The following PPP1R7 variants were observed in gnomAD, a reference collection of about 807,000 sequenced individuals.
PPP1R7 encodes protein phosphatase 1 regulatory subunit 7, also known as protein phosphatase 1 regulatory subunit 22.
PPP1R7 carries 18 observed loss-of-function variants against 45.2 expected under a neutral mutation model. The ratio of observed to expected loss-of-function variants is 0.40; its 90% confidence interval spans 0.28 to 0.59. The LOEUF (loss-of-function observed/expected upper bound fraction) is 0.59, where lower values mean the gene tolerates loss of function less well. Among genes scored for constraint, PPP1R7 ranks in the 20% least tolerant of loss-of-function variants. The probability of loss-of-function intolerance (pLI) is 0.46; values close to 1 mark genes in which losing one functional copy is unlikely to be tolerated. For synonymous variants in PPP1R7, 181 were observed against 183.4 expected (o/e 0.99, Z 0.11); for missense variants, 314 against 455.8 (o/e 0.69, Z 2.83).
At position 241,167,843 on chromosome 2, in the gene PPP1R7, A is replaced by G. The variant is rs190839249; in HGVS notation, c.819+1402A>G. Among the ~76,000 whole-genome samples the G allele has an allele frequency of 2.3e-3, 349 of 152,348 alleles. 1 individual carries two copies. The highest frequency in any genetic ancestry group is 7.7e-3 in the Admixed American group (118 of 15,308). On this transcript the variant is annotated intron_variant, in intron 8 of 9. Transcript: ENST00000234038. Reference sequence around the variant, plus strand: ...AGTCTTTCTTCTGCCATTTTTTTCAACTAAAGATCAGACAAATATTTTCTC... The same window carrying G: ...AGTCTTTCTTCTGCCATTTTTTTCAGCTAAAGATCAGACAAATATTTTCTC...
chr2:241,149,581 C>A, upstream of PPP1R7: 2 of 1,442,232 alleles, frequency 1.4e-6, no homozygotes, highest in East Asian at 2.5e-5. Context: ...GTCTAGAAGC[C>A]CGCGCTAAGG....
chr2:241,153,640 T>A (rs751356656), intron 2 of PPP1R7, 36 bp downstream of exon 2: 246 of 1,608,388 alleles, frequency 1.5e-4, no homozygotes, highest in Non-Finnish European at 2.0e-4. Context: ...CATCTGCTGG[T>A]TGGGGGATGT....
intron 9 of PPP1R7, among the ~76,000 whole-genome samples, chr2:241,171,687 C>G (rs2067819960): frequency 6.6e-6 from 1 of 152,172 alleles, no homozygotes; most frequent in African/African-American, 2.4e-5. Context: ...TCAGTTCCAT[C>G]AGTTTTTGTT....
intron 5 of PPP1R7, 87 bp downstream of exon 5, chr2:241,159,430 G>C (rs2067534885): frequency 2.0e-6 from 3 of 1,522,608 alleles, no homozygotes; most frequent in South Asian, 2.3e-5. Flanking sequence ...CCTCCTGCTG[G>C]CTCTTAGCCC....
At chr2:241,164,833 A>G (rs1162537536) in intron 7 of PPP1R7, among the ~76,000 whole-genome samples, 1 of 152,200 alleles carries the variant, frequency 6.6e-6, no homozygotes, top group African/African-American at 2.4e-5. Flanking sequence ...GGTTCATTTG[A>G]GGTCAGGAGT....
rs1306984941 is a variant in PPP1R7, at chr2:241,183,170, C to T, written c.*347C>T. The T allele has an allele frequency of 1.0e-5, 4 of 392,632 alleles. No homozygotes were observed. The highest frequency in any genetic ancestry group is 9.8e-6 in the Non-Finnish European group (2 of 203,636). 24.3% of individuals were successfully genotyped at this position (392,632 alleles called of 1,614,324 possible). On this transcript the variant is annotated 3_prime_UTR_variant, in exon 10 of 10. Transcript: ENST00000234038. ...GTGTGAAACACAGGGCCTGAGAGTG[C>T]TTTACAGGCATTCACGTGCTGTCCG...
intron 9 of PPP1R7, among the ~76,000 whole-genome samples, chr2:241,173,159 C>G (rs1181519560): frequency 6.7e-6 from 1 of 150,118 alleles, no homozygotes; most frequent in African/African-American, 2.5e-5. Context: ...GTAGTCCCAG[C>G]TACTGGGGAG....
chr2:241,158,332 C>A, intron 3 of PPP1R7, 152 bp from the exon 4 acceptor site: 1 of 683,346 alleles, frequency 1.5e-6, no homozygotes, highest in East Asian at 2.7e-5. Context: ...AAAGAGCCCC[C>A]GCAGCACACC....
chr2:241,151,391 G>A (rs545359547), intron 1 of PPP1R7: 2 of 467,000 alleles, frequency 4.3e-6, no homozygotes, highest in Non-Finnish European at 4.4e-6. Context: ...AGGAGGGCGG[G>A]TGCAGCAGGA....
intron 5 of PPP1R7, among the ~76,000 whole-genome samples, chr2:241,159,911 T>G (rs1257902731): frequency 6.6e-6 from 1 of 152,220 alleles, no homozygotes; most frequent in Admixed American, 6.5e-5. Context: ...GTCCTAGTTA[T>G]AACTTTACCT....
intron 7 of PPP1R7, among the ~76,000 whole-genome samples, chr2:241,164,562 C>A (rs773597216): frequency 1.3e-5 from 2 of 152,110 alleles, no homozygotes; most frequent in Admixed American, 6.6e-5. Flanking sequence ...ATGTGGAAAC[C>A]GCTCTTAACC....
chr2:241,165,369 G>A (rs1229015677), intron 7 of PPP1R7, among the ~76,000 whole-genome samples: 1 of 151,558 alleles, frequency 6.6e-6, no homozygotes, highest in African/African-American at 2.4e-5. Context: ...GTTTCACCAT[G>A]TTGGCCAGGC....
intron 8 of PPP1R7, 138 bp downstream of exon 8, chr2:241,166,579 C>T: frequency 1.4e-6 from 1 of 696,712 alleles, no homozygotes; most frequent in Non-Finnish European, 2.4e-6. Context: ...TCAGAAAGAC[C>T]TTCCCATCCT....
chr2:241,164,552 A>G (rs2067665357), intron 7 of PPP1R7, among the ~76,000 whole-genome samples: 1 of 152,206 alleles, frequency 6.6e-6, no homozygotes, highest in Admixed American at 6.5e-5. Context: ...ACTGAGGGGC[A>G]TGTGGAAACC....
intron 9 of PPP1R7, among the ~76,000 whole-genome samples, chr2:241,181,071 G>C (rs533130420): frequency 8.5e-5 from 13 of 152,290 alleles, no homozygotes; most frequent in Middle Eastern, 3.4e-3. Context: ...GATGGCGAGT[G>C]CCTGTAATCC....
intron 6 of PPP1R7, 32 bp downstream of exon 6, chr2:241,160,526 A>C: frequency 6.5e-7 from 1 of 1,532,300 alleles, no homozygotes; most frequent in South Asian, 1.3e-5. Flanking sequence ...TAGTATATTC[A>C]GGGAGAGGCA....
In PPP1R7 at chr2:241,151,515, C is replaced by G. The variant is rs192757616; in HGVS notation, c.52+968C>G. 1.5e-5 allele frequency: 7 copies of G among 471,188 alleles called. No individual in the cohort carries two copies. The East Asian group carries it at 4.9e-4, about 33-fold the overall frequency. The allele number at this position is 471,188 out of a possible 1,614,324, so 29.2% of individuals were successfully genotyped here. On this transcript the variant is annotated intron_variant, in intron 1 of 9. Coordinates refer to ENST00000234038, the MANE Select transcript of PPP1R7 (RefSeq NM_002712.3). ...TTGGGGATAGGGTGAGGGAAAAGAG[C>G]AAGAATCACTCAAGACGGAGAAAAC...
intron 5 of PPP1R7, among the ~76,000 whole-genome samples, chr2:241,159,694 C>CT (rs938544801): frequency 2.6e-5 from 4 of 151,906 alleles, no homozygotes; most frequent in African/African-American, 2.4e-5. Flanking sequence ...TTTGAATACT[C>CT]TTTTTTTTAA....
At chr2:241,162,590 C>T (rs1575392092) in intron 6 of PPP1R7, among the ~76,000 whole-genome samples, 2 of 151,880 alleles carry the variant, frequency 1.3e-5, no homozygotes, top group South Asian at 4.2e-4. Flanking sequence ...GAGGGCCCCC[C>T]AGGAATCCTA....
Sources: gnomAD v4.1 joint callset for allele counts (sites outside exome capture counted in the v4.1 genomes callset) on GRCh38, gnomAD v4.1.1 for gene constraint, MANE v1.5 for transcripts, NCBI Gene and HGNC (gene_info 2026-07-23, HGNC 2026-07-21) for gene names.